NUP98: variants seen among roughly 807,000 people sequenced by gnomAD.
NUP98 encodes nucleoporin 98 and 96 precursor.
In NUP98, 26 loss-of-function variants were observed where a neutral mutation model predicts 191.9. That is an observed-to-expected ratio of 0.14 (90% CI 0.10 to 0.19). The LOEUF (loss-of-function observed/expected upper bound fraction) is 0.19, where lower values mean the gene tolerates loss of function less well. Among genes scored for constraint, NUP98 ranks in the 10% least tolerant of loss-of-function variants. The pLI, the probability that NUP98 is intolerant of heterozygous loss-of-function variation, is 1.00. For synonymous variants in NUP98, 808 were observed against 778.4 expected, an observed-to-expected ratio of 1.04 and a Z score of -0.63; for missense variants, 1,941 against 2,178.8, an observed-to-expected ratio of 0.89 and a Z score of 2.17.
intron 1 of NUP98, among the ~76,000 whole-genome samples, chr11:3,783,711 C>G (rs2082050640): frequency 6.6e-6 from 1 of 151,868 alleles, no homozygotes. Context: ...AAAACAAAAA[C>G]AAAAACAAAA....
Position 3,744,575 on chromosome 11 carries a change from A to G in NUP98, c.1342T>C (p.Phe448Leu). The G allele has an allele frequency of 6.2e-7, 1 of 1,613,796 alleles. No homozygotes were observed. Among genetic ancestry groups the G allele is most frequent in the Non-Finnish European group, 8.5e-7 (1 of 1,179,792 alleles). Residue 448 changes from phenylalanine (F) to leucine (L), a missense_variant, in exon 12 of 33, where the codon TTT (phenylalanine) becomes CTT (leucine). Physicochemically the swap from Phe to Leu is conservative, Grantham distance 22 (BLOSUM62 0). Around this residue, in one of 6 missense-constraint regions of NUP98, gnomAD observed 453 missense variants for 438.2 expected, o/e 1.03. Transcript: ENST00000324932. The part of the protein sequence containing the change: ...KIGGPLGTGA[F>L]GAPGFNTTTA... Reference sequence around the variant, plus strand: ...GTAGTATTAAATCCAGGGGCCCCAAAGGCTCCTGTACCAAGAGGCCCTCCA... The same window carrying G: ...GTAGTATTAAATCCAGGGGCCCCAAGGGCTCCTGTACCAAGAGGCCCTCCA...
intron 25 of NUP98, among the ~76,000 whole-genome samples, chr11:3,697,884 GC>G (rs1358808744): frequency 6.8e-6 from 1 of 147,608 alleles, no homozygotes. Flanking sequence ...TTGCTGAATT[GC>G]CTCATTAGTG....
At chr11:3,750,554 G>A (rs1005342756) in intron 11 of NUP98, among the ~76,000 whole-genome samples, 1 of 152,026 alleles carries the variant, frequency 6.6e-6, no homozygotes, top group Non-Finnish European at 1.5e-5. Flanking sequence ...ACTGAGATCC[G>A]AAACACATAA....
At chr11:3,729,741 AGG>A (rs2079770122) in intron 14 of NUP98, among the ~76,000 whole-genome samples, 4 of 139,912 alleles carry the variant, frequency 2.9e-5, no homozygotes, top group African/African-American at 5.3e-5. Flanking sequence ...AAAAAAAAAA[AGG>A]ATGACGTTTG....
intron 2 of NUP98, chr11:3,781,502 A>G (rs1452734323): frequency 6.7e-6 from 1 of 149,182 alleles, no homozygotes; most frequent in Non-Finnish European, 1.5e-5. Flanking sequence ...TAAAAAAAAA[A>G]AAAAAAAAAA....
intron 10 of NUP98, among the ~76,000 whole-genome samples, chr11:3,757,048 G>A (rs1191995012): frequency 1.3e-5 from 2 of 150,584 alleles, no homozygotes; most frequent in Non-Finnish European, 1.5e-5. Flanking sequence ...AGATCGTGCC[G>A]CTGCACTCCA....
intron 7 of NUP98, among the ~76,000 whole-genome samples, chr11:3,769,485 A>C (rs1275785775): frequency 6.6e-6 from 1 of 150,698 alleles, no homozygotes; most frequent in African/African-American, 2.4e-5. Context: ...GAATGGTGGG[A>C]ATATTACTTG....
intron 24 of NUP98, among the ~76,000 whole-genome samples, chr11:3,700,268 CAAAA>C (rs35824298): frequency 1.1e-4 from 10 of 93,414 alleles, no homozygotes; most frequent in East Asian, 5.3e-4. Flanking sequence ...GACTCCGTCT[CAAAA>C]AAAAAAAAAA....
At chr11:3,698,849 G>A (rs1019314348) in intron 25 of NUP98, among the ~76,000 whole-genome samples, 3 of 150,304 alleles carry the variant, frequency 2.0e-5, no homozygotes, top group Admixed American at 6.6e-5. Context: ...GAGCCCAGCC[G>A]CACTATGTCT....
chr11:3,691,558 TTC>T, intron 27 of NUP98, 69 bp from the exon 28 acceptor site: 2 of 1,504,100 alleles, frequency 1.3e-6, no homozygotes, highest in South Asian at 1.2e-5. Context: ...ATTATGTTTC[TTC>T]TTTTTTTTTT....
chr11:3,716,719 G>A (rs890063430), intron 18 of NUP98, among the ~76,000 whole-genome samples: 1 of 151,916 alleles, frequency 6.6e-6, no homozygotes, highest in Non-Finnish European at 1.5e-5. Context: ...AAAATCATTC[G>A]ACTATATAGA....
chr11:3,792,841 G>A (rs536690665), intron 1 of NUP98, among the ~76,000 whole-genome samples: 2 of 152,046 alleles, frequency 1.3e-5, no homozygotes, highest in Non-Finnish European at 2.9e-5. Context: ...GTTTGAGGCC[G>A]GGCACGGTGG....
intron 26 of NUP98, among the ~76,000 whole-genome samples, chr11:3,695,207 A>G (rs1016194077): frequency 6.6e-6 from 1 of 152,234 alleles, no homozygotes; most frequent in Non-Finnish European, 1.5e-5. Context: ...TGAAGATAAA[A>G]TTATTTATAT....
chr11:3,788,342 C>T (rs559087229), intron 1 of NUP98, among the ~76,000 whole-genome samples: 1 of 152,296 alleles, frequency 6.6e-6, no homozygotes, highest in Non-Finnish European at 1.5e-5. Context: ...GTGGCTCACA[C>T]CTGCAATCCC....
intron 8 of NUP98, among the ~76,000 whole-genome samples, chr11:3,763,498 CCAAAAATAATCAG>C (rs2081242728): frequency 6.6e-6 from 1 of 152,086 alleles, no homozygotes; most frequent in Non-Finnish European, 1.5e-5. Context: ...AATCAAGTAA[CCAAAAATAATCAG>C]CGAAAATAAA....
chr11:3,786,506 TTATA>T (rs2082145670), intron 1 of NUP98, among the ~76,000 whole-genome samples: 1 of 152,172 alleles, frequency 6.6e-6, no homozygotes, highest in East Asian at 1.9e-4. Context: ...TGAAATAGTG[TTATA>T]TAGAAAAGAA....
At chr11:3,763,992 A>C (rs946639307) in intron 8 of NUP98, among the ~76,000 whole-genome samples, 1 of 152,194 alleles carries the variant, frequency 6.6e-6, no homozygotes. Context: ...TTAAAGTTTT[A>C]TTGAGACACA....
At chr11:3,686,734 A>T (rs2078144313) in intron 28 of NUP98, among the ~76,000 whole-genome samples, 1 of 152,212 alleles carries the variant, frequency 6.6e-6, no homozygotes, top group Admixed American at 6.5e-5. Context: ...CTGTAATCCC[A>T]ACACATTGGA....
At chr11:3,698,725 C>CCAA (rs1554887938) in intron 25 of NUP98, among the ~76,000 whole-genome samples, 3 of 35,768 alleles carry the variant, frequency 8.4e-5, no homozygotes, top group African/African-American at 3.6e-4. Context: ...GAAACTGTCT[C>CCAA]AAAAAAAAAA....
Sources: gnomAD v4.1 joint callset for allele counts (sites outside exome capture counted in the v4.1 genomes callset) on GRCh38, gnomAD v4.1.1 for gene constraint, gnomAD v4.1.1 regional missense constraint, MANE v1.5 for transcripts, NCBI Gene and HGNC (gene_info 2026-07-23, HGNC 2026-07-21) for gene names.